RBFOX2: variants seen among roughly 807,000 people sequenced by gnomAD.
RBFOX2 encodes RNA binding protein fox-1 homolog 2.
Under a neutral mutation model 49.1 loss-of-function variants are expected in RBFOX2, and 10 were observed. The ratio of observed to expected loss-of-function variants is 0.20; its 90% CI spans 0.13 to 0.35. The LOEUF is 0.35. Ranked by LOEUF, RBFOX2 falls within the 10% of genes least tolerant of loss-of-function variation. RBFOX2 has a pLI of 1.00. For missense variants in RBFOX2, 323 were observed against 486.9 expected, an observed-to-expected ratio of 0.66 and a Z score of 3.17; for synonymous variants, 183 against 187.4, an observed-to-expected ratio of 0.98 and a Z score of 0.19.
intron 1 of RBFOX2, chr22:35,999,391 A>G (rs1324067465): frequency 6.6e-6 from 1 of 151,812 alleles, no homozygotes; most frequent in Admixed American, 6.6e-5. Context: ...CAAAAAAAAA[A>G]AAAAAAAAAA....
chr22:35,784,953 G>C (rs1946088617), intron 2 of RBFOX2, among the ~76,000 whole-genome samples: 1 of 152,188 alleles, frequency 6.6e-6, no homozygotes, highest in Non-Finnish European at 1.5e-5. Flanking sequence ...TCCCACTCCA[G>C]GCCTCTTGCA....
At chr22:35,992,691 C>T (rs2058032962) in intron 1 of RBFOX2, 1 of 152,152 alleles carries the variant, frequency 6.6e-6, no homozygotes, top group Non-Finnish European at 1.5e-5. Flanking sequence ...CTGATTATGT[C>T]TCCTGGGTCA....
rs988091374 is a variant in RBFOX2, at chr22:35,743,932, T to A, written c.*263A>T. On this transcript the variant is annotated 3_prime_UTR_variant, in exon 12 of 12. Transcript: ENST00000405409. ...ACATACAGACATGGAAATGCATTAT[T>A]TTTTTTTTTTTTACCACAGTTTAAA... 4.9e-5 allele frequency: 9 copies of A among 184,414 alleles called. No homozygotes were observed. The Admixed American group carries it at 5.6e-4, about 11-fold the overall frequency. The allele number at this position is 184,414 out of a possible 1,614,324, so 11.4% of individuals were successfully genotyped here.
chr22:35,744,255 G>A lies in RBFOX2; in HGVS notation c.1050-6C>T, dbSNP rs1931377007. On this transcript the variant is annotated splice_polypyrimidine_tract_variant and splice_region_variant and intron_variant, in intron 11 of 11. Coordinates refer to ENST00000405409, the Ensembl canonical transcript of RBFOX2. Reference sequence around the variant, plus strand: ...CCACCTCGGTATAAACTCGCCTGCAGTAATTAAAGAGATAAAAATAATTAA... The same window carrying A: ...CCACCTCGGTATAAACTCGCCTGCAATAATTAAAGAGATAAAAATAATTAA... 1.2e-6 allele frequency: 2 copies of A among 1,609,716 alleles called. No homozygotes were observed. The highest frequency in any genetic ancestry group is 1.7e-6 in the Non-Finnish European group (2 of 1,177,660).
chr22:35,859,061 T>C (rs192232049), intron 1 of RBFOX2, among the ~76,000 whole-genome samples: 6 of 151,960 alleles, frequency 3.9e-5, no homozygotes, highest in African/African-American at 1.4e-4. Flanking sequence ...GAGCTGAAAA[T>C]ACAGGGGAGA....
At chr22:35,782,523 C>T (rs971795120) in intron 2 of RBFOX2, among the ~76,000 whole-genome samples, 1 of 152,134 alleles carries the variant, frequency 6.6e-6, no homozygotes, top group East Asian at 1.9e-4. Flanking sequence ...GGGTTTCACC[C>T]TGTTAGCTAG....
At chr22:35,845,174 GC>G (rs1248250935), upstream of RBFOX2, among the ~76,000 whole-genome samples, 1 of 151,910 alleles carries the variant, frequency 6.6e-6, no homozygotes, top group East Asian at 1.9e-4. Context: ...TTCACGGCAC[GC>G]CCCCACACAA....
At chr22:35,775,308 T>C (rs1337987224) in intron 4 of RBFOX2, among the ~76,000 whole-genome samples, 1 of 152,196 alleles carries the variant, frequency 6.6e-6, no homozygotes, top group Non-Finnish European at 1.5e-5. Context: ...CAAGGTTTTG[T>C]ATCAGTCCTT....
At chr22:35,865,119 A>G (rs980855338) in intron 1 of RBFOX2, among the ~76,000 whole-genome samples, 7 of 152,222 alleles carry the variant, frequency 4.6e-5, no homozygotes, top group African/African-American at 1.7e-4. Flanking sequence ...TAACTGTATG[A>G]ATATATACTA....
intron 1 of RBFOX2, among the ~76,000 whole-genome samples, chr22:35,931,937 G>A (rs571460300): frequency 2.6e-5 from 4 of 152,216 alleles, no homozygotes; most frequent in Non-Finnish European, 5.9e-5. Flanking sequence ...ATTTTTTGAA[G>A]GGGACAGAAA....
At chr22:35,758,330 A>G (rs1937554169) in intron 9 of RBFOX2, among the ~76,000 whole-genome samples, 1 of 152,210 alleles carries the variant, frequency 6.6e-6, no homozygotes, top group African/African-American at 2.4e-5. Context: ...GACTACATTG[A>G]ACAGGACTAA....
chr22:35,884,162 A>G (rs2046290228), intron 1 of RBFOX2, among the ~76,000 whole-genome samples: 1 of 151,714 alleles, frequency 6.6e-6, no homozygotes, highest in Admixed American at 6.6e-5. Context: ...TTGCCCAGCT[A>G]ATTTTTGTAT....
chr22:35,948,401 TAATA>T (rs940689882), intron 1 of RBFOX2, among the ~76,000 whole-genome samples: 4 of 152,134 alleles, frequency 2.6e-5, no homozygotes, highest in African/African-American at 9.7e-5. Flanking sequence ...AGTACATAAA[TAATA>T]AATAAAATTC....
intron 1 of RBFOX2, among the ~76,000 whole-genome samples, chr22:35,930,837 A>AAAAAT (rs1160131779): frequency 1.3e-5 from 2 of 152,182 alleles, no homozygotes; most frequent in African/African-American, 2.4e-5. Context: ...CTCAAAAAAT[A>AAAAAT]AAAATAAAAT....
intron 1 of RBFOX2, among the ~76,000 whole-genome samples, chr22:35,982,543 T>C (rs1363983645): frequency 2.0e-5 from 3 of 152,094 alleles, no homozygotes; most frequent in African/African-American, 7.2e-5. Context: ...ATACGGGCGC[T>C]AAATAAACAT....
intron 9 of RBFOX2, among the ~76,000 whole-genome samples, chr22:35,758,108 C>G (rs1416156043): frequency 1.3e-5 from 2 of 152,110 alleles, no homozygotes; most frequent in Non-Finnish European, 2.9e-5. Flanking sequence ...CAATTCTAGG[C>G]CATTCCCATG....
chr22:35,885,283 T>C (rs1406112042), intron 1 of RBFOX2, among the ~76,000 whole-genome samples: 1 of 152,172 alleles, frequency 6.6e-6, no homozygotes, highest in East Asian at 1.9e-4. Flanking sequence ...AGTGAGACCT[T>C]CAGTCCCACC....
At chr22:36,020,417 G>C (rs1394121114) in intron 1 of RBFOX2, among the ~76,000 whole-genome samples, 1 of 152,266 alleles carries the variant, frequency 6.6e-6, no homozygotes, top group Non-Finnish European at 1.5e-5. Flanking sequence ...TTAAACTAAA[G>C]AGCTTCTGCA....
intron 9 of RBFOX2, among the ~76,000 whole-genome samples, chr22:35,758,559 C>A (rs546551130): frequency 1.3e-5 from 2 of 152,180 alleles, no homozygotes; most frequent in South Asian, 4.1e-4. Flanking sequence ...ATATTCACTT[C>A]TTTAAAGAGA....
Sources: allele counts gnomAD v4.1 joint callset (sites outside exome capture counted in the v4.1 genomes callset), GRCh38; gene constraint gnomAD v4.1.1; transcripts MANE v1.5; gene names NCBI Gene and HGNC (gene_info 2026-07-23, HGNC 2026-07-21).